The following OAS1 variants were observed in gnomAD, a reference collection of about 807,000 sequenced individuals.
The protein encoded by OAS1 is 2'-5'-oligoadenylate synthase 1.
A neutral mutation model predicts 38.5 loss-of-function variants in OAS1; 24 were observed. That is an observed-to-expected ratio of 0.62 (90% CI 0.45 to 0.88). OAS1 has a LOEUF of 0.88. OAS1 is among the 40% of genes least tolerant of loss of function. The pLI is 0.00. For synonymous variants in OAS1, 169 were observed against 193.9 expected, an observed-to-expected ratio of 0.87 and a Z score of 1.07; for missense variants, 482 against 493.9, an observed-to-expected ratio of 0.98 and a Z score of 0.23.
chr12:112,927,325 C>T (rs370707260), intron 6 of OAS1, among the ~76,000 whole-genome samples: 3 of 152,274 alleles, frequency 2.0e-5, no homozygotes, highest in South Asian at 4.2e-4. Flanking sequence ...TCCCTCCGTT[C>T]GGGGTCCCTG....
intron 2 of OAS1, 33 bp downstream of exon 2, chr12:112,908,857 C>CCCATT: frequency 6.5e-7 from 1 of 1,538,436 alleles, no homozygotes; most frequent in Non-Finnish European, 8.7e-7. Flanking sequence ...TCTCCCTCTT[C>CCCATT]CCATTTCTGA....
chr12:112,920,483 ATC>A (rs1351266152), downstream of OAS1, among the ~76,000 whole-genome samples: 5 of 152,292 alleles, frequency 3.3e-5, no homozygotes, highest in African/African-American at 1.2e-4. Context: ...AATGAACTTC[ATC>A]TCTTTCTTTT....
Position 112,919,712 on chromosome 12 carries a change from C to A in OAS1, c.*159C>A. 6.6e-7 allele frequency: 1 copy of A among 1,524,698 alleles called. No homozygotes were observed. The highest frequency in any genetic ancestry group is 1.2e-5 in the South Asian group (1 of 80,124). The allele number at this position is 1,524,698 out of a possible 1,614,324, so 94.4% of individuals were successfully genotyped here. ...CTCCTGACTCCTGGCCTTCTATGCC[C>A]TCTATCCTATCATAGATAACATTCT... On this transcript the variant is annotated 3_prime_UTR_variant, in exon 6 of 6. Coordinates refer to ENST00000202917, the MANE Select transcript of OAS1 (RefSeq NM_016816.4).
intron 4 of OAS1, 60 bp from the exon 5 acceptor site, chr12:112,917,487 T>A: frequency 6.2e-7 from 1 of 1,603,472 alleles, no homozygotes; most frequent in Non-Finnish European, 8.5e-7. Context: ...CAGGAGCATC[T>A]GGACTCCCTA....
intron 6 of OAS1, among the ~76,000 whole-genome samples, chr12:112,926,848 A>C (rs986873885): frequency 1.3e-5 from 2 of 152,190 alleles, no homozygotes; most frequent in African/African-American, 4.8e-5. Context: ...CCTTATCTGC[A>C]ACTGGATAAG....
chr12:112,916,595 A>T lies in OAS1; in HGVS notation c.741A>T (p.Thr247=). ...VYAWERGSMK[T]HFNTAQGFRT... ...CTTGGGAGCGAGGGAGCATGAAAAC[A>T]CATTTCAACACAGCCCAGGGATTTC... The change falls in exon 4 of 6, where the codon ACA becomes ACT. Residue 247 remains threonine (T), a synonymous_variant. Transcript: ENST00000202917. 1 of 1,614,204 alleles carries T rather than the reference A, an allele frequency of 6.2e-7. No individual in the cohort carries two copies. The highest frequency in any genetic ancestry group is 1.3e-5 in the African/African-American group (1 of 75,046).
chr12:112,927,371 A>C (rs1427407712), intron 6 of OAS1, among the ~76,000 whole-genome samples: 1 of 151,834 alleles, frequency 6.6e-6, no homozygotes, highest in Non-Finnish European at 1.5e-5. Flanking sequence ...TGAAATTAGC[A>C]TTGATTCTAA....
chr12:112,932,770 C>T (rs1179960494), downstream of OAS1: 1 of 152,196 alleles, frequency 6.6e-6, no homozygotes, highest in Non-Finnish European at 1.5e-5. Context: ...ATCATTGCTC[C>T]CAAAGTCACA....
chr12:112,914,934 G>T (rs531109478), intron 3 of OAS1, among the ~76,000 whole-genome samples: 2 of 150,568 alleles, frequency 1.3e-5, no homozygotes, highest in African/African-American at 4.9e-5. Flanking sequence ...CTTCATTTGA[G>T]AATTCTCTGT....
At chr12:112,908,012 C>G (rs1018938486) in intron 1 of OAS1, among the ~76,000 whole-genome samples, 2 of 152,218 alleles carry the variant, frequency 1.3e-5, no homozygotes, top group Non-Finnish European at 1.5e-5. Context: ...AAGCATAAAG[C>G]GCTGCTTCTC....
At chr12:112,924,975 G>A (rs1024341331) in intron 6 of OAS1, among the ~76,000 whole-genome samples, 3 of 152,076 alleles carry the variant, frequency 2.0e-5, no homozygotes, top group Non-Finnish European at 4.4e-5. Flanking sequence ...GGAAACTATG[G>A]TATAACATTG....
At chr12:112,907,359 G>A (rs1489970031) in intron 1 of OAS1, 140 bp downstream of exon 1, 1 of 744,022 alleles carries the variant, frequency 1.3e-6, no homozygotes, top group Non-Finnish European at 2.2e-6. Flanking sequence ...GAGATCTTCT[G>A]GGATGGTGGT....
chr12:112,912,236 AG>A (rs2043392831), intron 3 of OAS1, among the ~76,000 whole-genome samples: 1 of 152,154 alleles, frequency 6.6e-6, no homozygotes, highest in Non-Finnish European at 1.5e-5. Context: ...GCTACTGGGT[AG>A]GCTGAGGTGG....
At chr12:112,927,943 A>AAAG (rs1171858152) in intron 6 of OAS1, among the ~76,000 whole-genome samples, 2 of 152,214 alleles carry the variant, frequency 1.3e-5, no homozygotes, top group Non-Finnish European at 2.9e-5. Flanking sequence ...CTTGAAGACC[A>AAAG]AAGACTGTAG....
intron 2 of OAS1, chr12:112,909,119 G>A (rs1170371220): frequency 1.2e-5 from 5 of 418,644 alleles, no homozygotes; most frequent in African/African-American, 2.0e-5. Flanking sequence ...AGGCAGCAAA[G>A]ATGTGGCTTA....
chr12:112,920,226 A>T (rs569340177), downstream of OAS1, among the ~76,000 whole-genome samples: 20 of 152,330 alleles, frequency 1.3e-4, no homozygotes, highest in African/African-American at 4.8e-4. Context: ...AGCATCCTTG[A>T]TTTATCCTTT....
In OAS1 at chr12:112,919,430, G is replaced by A; in HGVS notation, c.1080G>A (p.Arg360=). 6.2e-7 allele frequency: 1 copy of A among 1,614,108 alleles called. No homozygotes were observed. Among genetic ancestry groups the A allele is most frequent in the Non-Finnish European group, 8.5e-7 (1 of 1,180,000 alleles). Reference sequence around the variant, plus strand: ...CAGACGATGAGACCGACGATCCCAGGAGGTATCAGAAATATGGTTACATTG... The same window carrying A: ...CAGACGATGAGACCGACGATCCCAGAAGGTATCAGAAATATGGTTACATTG... ...NSADDETDDP[R]RYQKYGYIGT... is the part of the protein sequence containing the mutation. Residue 360 remains arginine (R), a synonymous_variant, in exon 6 of 6, where the codon AGG becomes AGA. Coordinates refer to ENST00000202917, the MANE Select transcript of OAS1 (RefSeq NM_016816.4).
At position 112,908,616 on chromosome 12, in the gene OAS1, T is replaced by G; in HGVS notation, c.261T>G (p.Thr87=). 6.2e-7 allele frequency: 1 copy of G among 1,614,188 alleles called. No homozygotes were observed. Among genetic ancestry groups the G allele is most frequent in the East Asian group, 2.2e-5 (1 of 44,882 alleles). ...DLVVFLSPLT[T]FQDQLNRRGE... ...TTGTCTTCCTCAGTCCTCTCACCACTTTTCAGGATCAGTTAAATCGCCGGG... is the reference window on the plus strand; with the variant it reads ...TTGTCTTCCTCAGTCCTCTCACCACGTTTCAGGATCAGTTAAATCGCCGGG... The change falls in exon 2 of 6, where the codon ACT becomes ACG. Residue 87 remains threonine, a synonymous_variant. Coordinates refer to ENST00000202917, the MANE Select transcript of OAS1 (RefSeq NM_016816.4).
chr12:112,907,118 C>T lies in OAS1; in HGVS notation c.79C>T (p.Arg27Cys), dbSNP rs117835961. 32 of 1,614,164 alleles carry T rather than the reference C, an allele frequency of 2.0e-5. No homozygotes were observed. Among genetic ancestry groups the T allele is most frequent in the East Asian group, 2.2e-5 (1 of 44,888 alleles). ...CTATCTCTTGCCAGACACGTGTTTC[C>T]GCATGCAAATCAACCATGCCATTGA... ...EDYLLPDTCF[R>C]MQINHAIDII... The change falls in exon 1 of 6, where the codon CGC becomes TGC. Residue 27 changes from arginine (R) to cysteine (C), a missense_variant. Physicochemically the swap from Arg to Cys is radical, Grantham distance 180. Coordinates refer to ENST00000202917, the MANE Select transcript of OAS1 (RefSeq NM_016816.4).
Sources: allele counts gnomAD v4.1 joint callset (sites outside exome capture counted in the v4.1 genomes callset), GRCh38; gene constraint gnomAD v4.1.1; transcripts MANE v1.5; gene names NCBI Gene and HGNC (gene_info 2026-07-23, HGNC 2026-07-21).